C1QTNF3: variants seen among roughly 807,000 people sequenced by gnomAD.
C1QTNF3 encodes the protein C1q and TNF related 3, also known as complement C1q tumor necrosis factor-related protein 3.
In C1QTNF3, 26 loss-of-function variants were observed where a neutral mutation model predicts 32.6. The observed-to-expected ratio is 0.80, with a 90% CI of 0.58 to 1.11. C1QTNF3 has a LOEUF of 1.11. Ranked by LOEUF, C1QTNF3 falls within the 50% of genes least tolerant of loss-of-function variation. The pLI, the probability that C1QTNF3 is intolerant of heterozygous loss-of-function variation, is 0.00. For synonymous variants in C1QTNF3, 155 were observed against 146.0 expected (o/e 1.06, Z -0.44); for missense variants, 362 against 398.2 (o/e 0.91, Z 0.77).
chr5:34,049,046 A>T, the C1QTNF3 span, among the ~76,000 whole-genome samples: 1 of 148,216 alleles, frequency 6.7e-6, no homozygotes, highest in African/African-American at 2.4e-5. Flanking sequence ...CTTATATAAA[A>T]GCTTTCTTTT....
intron 2 of C1QTNF3, 27 bp from the exon 3 acceptor site, chr5:34,033,485 AG>A (rs765947533): frequency 1.2e-6 from 2 of 1,614,050 alleles, no homozygotes; most frequent in Admixed American, 3.3e-5. Flanking sequence ...TCATCACATG[AG>A]AAAACCCAGT....
At chr5:34,096,715 A>G in the C1QTNF3 span, among the ~76,000 whole-genome samples, 6 of 151,550 alleles carry the variant, frequency 4.0e-5, no homozygotes, top group African/African-American at 1.5e-4. Flanking sequence ...TAGAGATAGG[A>G]ACAAGCAAGT....
chr5:34,221,836 C>A, the C1QTNF3 span, among the ~76,000 whole-genome samples: 1 of 151,954 alleles, frequency 6.6e-6, no homozygotes, highest in Non-Finnish European at 1.5e-5. Flanking sequence ...ATATTTAAAT[C>A]ACTGGCAGAA....
chr5:34,066,715 C>A, the C1QTNF3 span, among the ~76,000 whole-genome samples: 2 of 152,142 alleles, frequency 1.3e-5, no homozygotes, highest in Non-Finnish European at 2.9e-5. Context: ...GGCCCCTGGA[C>A]CTGTGATGGG....
At chr5:34,092,936 G>C in the C1QTNF3 span, among the ~76,000 whole-genome samples, 1 of 151,880 alleles carries the variant, frequency 6.6e-6, no homozygotes, top group Admixed American at 6.6e-5. Context: ...AAACGATGTA[G>C]ACTATGATAT....
the C1QTNF3 span, among the ~76,000 whole-genome samples, chr5:34,087,269 A>T: frequency 6.6e-6 from 1 of 150,794 alleles, no homozygotes; most frequent in African/African-American, 2.4e-5. Context: ...ATTTTGCTAC[A>T]ATTCCATGAA....
chr5:34,213,758 TAC>T, the C1QTNF3 span, among the ~76,000 whole-genome samples: 45 of 111,914 alleles, frequency 4.0e-4, no homozygotes, highest in Middle Eastern at 4.8e-3. Context: ...TATATATATA[TAC>T]ACACACACAC....
chr5:34,131,755 T>C, the C1QTNF3 span, among the ~76,000 whole-genome samples: 19 of 152,292 alleles, frequency 1.2e-4, no homozygotes, highest in Non-Finnish European at 2.6e-4. Flanking sequence ...TAGTTTCAAA[T>C]TGCTAGAAGG....
At chr5:34,075,711 C>CT in the C1QTNF3 span, among the ~76,000 whole-genome samples, 1 of 151,496 alleles carries the variant, frequency 6.6e-6, no homozygotes, top group African/African-American at 2.4e-5. Flanking sequence ...CAGAATTACT[C>CT]TATGAACCAC....
intron 1 of C1QTNF3, among the ~76,000 whole-genome samples, chr5:34,042,323 C>G (rs182584646): frequency 1.3e-5 from 2 of 152,090 alleles, no homozygotes; most frequent in East Asian, 3.9e-4. Flanking sequence ...ATCAAATAAA[C>G]AAGACTGCCA....
chr5:34,054,922 C>T, the C1QTNF3 span, among the ~76,000 whole-genome samples: 1 of 152,210 alleles, frequency 6.6e-6, no homozygotes, highest in Non-Finnish European at 1.5e-5. Flanking sequence ...GCACGCATAT[C>T]AATTAAGGAT....
At chr5:34,047,746 A>G (rs188312925), upstream of C1QTNF3, among the ~76,000 whole-genome samples, 1 of 152,236 alleles carries the variant, frequency 6.6e-6, no homozygotes, top group Non-Finnish European at 1.5e-5. Flanking sequence ...GAGATGAGGT[A>G]GTTTAGCTGT....
chr5:34,216,660 T>A, the C1QTNF3 span, among the ~76,000 whole-genome samples: 1 of 152,208 alleles, frequency 6.6e-6, no homozygotes, highest in Admixed American at 6.6e-5. Context: ...TCAATAACTA[T>A]GTTGAAGAAT....
chr5:34,157,994 A>G, the C1QTNF3 span: 2 of 152,184 alleles, frequency 1.3e-5, no homozygotes, highest in African/African-American at 4.8e-5. Flanking sequence ...CAGATTGTGA[A>G]TGGACCTTAC....
At chr5:34,220,493 TACAC>T in the C1QTNF3 span, among the ~76,000 whole-genome samples, 17,779 of 145,696 alleles carry the variant, frequency 0.12, 2,755 homozygotes, top group African/African-American at 0.37. Flanking sequence ...TCAGTTAGCA[TACAC>T]ACACACACAC....
the C1QTNF3 span, among the ~76,000 whole-genome samples, chr5:34,205,730 TATAG>T: frequency 1.6e-4 from 24 of 150,288 alleles, no homozygotes; most frequent in African/African-American, 5.9e-4. Flanking sequence ...GATGTTTACA[TATAG>T]AAATATTTAA....
Position 34,033,460 on chromosome 5 carries a change from T to A in C1QTNF3, c.416-2A>T. The A allele has an allele frequency of 6.2e-7, 1 of 1,614,208 alleles. No homozygotes were observed. The highest frequency in any genetic ancestry group is 8.5e-7 in the Non-Finnish European group (1 of 1,180,030). ...TGTTGCCATTGTTTCCATGGTTTCC[T>A]TAAACAACCAGACATCATCACATGA... On this transcript the variant is annotated splice_acceptor_variant, in intron 2 of 5. Coordinates refer to ENST00000382065, the MANE Select transcript of C1QTNF3 (RefSeq NM_181435.6). LOFTEE classifies it high-confidence loss of function.
the C1QTNF3 span, among the ~76,000 whole-genome samples, chr5:34,089,390 C>G: frequency 2.0e-5 from 3 of 151,896 alleles, no homozygotes; most frequent in Non-Finnish European, 4.4e-5. Context: ...GATGTGAGGC[C>G]TTTGAGAAGT....
the C1QTNF3 span, among the ~76,000 whole-genome samples, chr5:34,238,202 C>T: frequency 1.3e-5 from 2 of 152,050 alleles, no homozygotes; most frequent in South Asian, 4.1e-4. Flanking sequence ...AAAATCAGTG[C>T]AAGAACTCTG....
Sources: allele counts gnomAD v4.1 joint callset (sites outside exome capture counted in the v4.1 genomes callset), GRCh38; gene constraint gnomAD v4.1.1; transcripts MANE v1.5; gene names NCBI Gene and HGNC (gene_info 2026-07-23, HGNC 2026-07-21).